ENO4: variants seen among roughly 807,000 people sequenced by gnomAD.
The protein encoded by ENO4 is 2-phospho-D-glycerate hydro-lyase.
In ENO4, 53 loss-of-function variants were observed where a neutral mutation model predicts 63.2. That is an observed-to-expected ratio of 0.84 (90% CI 0.67 to 1.05). The LOEUF is 1.05. ENO4 is among the 50% of genes least tolerant of loss of function. The pLI, the probability that ENO4 is intolerant of heterozygous loss-of-function variation, is 0.00. For synonymous variants in ENO4, 266 were observed against 283.8 expected (o/e 0.94, Z 0.63); for missense variants, 719 against 772.0 (o/e 0.93, Z 0.81).
chr10:116,889,131 T>C (rs554683831), intron 10 of ENO4, among the ~76,000 whole-genome samples: 71 of 152,246 alleles, frequency 4.7e-4, no homozygotes, highest in Non-Finnish European at 8.5e-4. Flanking sequence ...GATGTTTCCA[T>C]GCTCGTGTGT....
intron 10 of ENO4, among the ~76,000 whole-genome samples, chr10:116,902,625 T>C (rs1042434488): frequency 1.3e-5 from 2 of 152,230 alleles, no homozygotes; most frequent in Admixed American, 1.3e-4. Context: ...ATTCTGGGCA[T>C]TGAAGCCAGT....
At chr10:116,886,142 CA>C, downstream of ENO4, 1 of 709,072 alleles carries the variant, frequency 1.4e-6, no homozygotes, top group Non-Finnish European at 2.2e-6. Context: ...ATCAAAAAAC[CA>C]AAACCTACTA....
rs528077891 is a variant in ENO4 at position 116,862,333 on chromosome 10, G to A, written c.937-466G>A. On this transcript the variant is annotated intron_variant, in intron 6 of 13. Coordinates refer to ENST00000341276, the MANE Select transcript of ENO4 (RefSeq NM_001242699.2). ...ACAAAAATTAGCCAGGCATGGTGGT[G>A]CATGCCTGTCATCCCAGCTACTTGG... Among the ~76,000 whole-genome samples the A allele has an allele frequency of 3.9e-5, 6 of 152,200 alleles. No individual in the cohort carries two copies. In the East Asian group the frequency reaches 7.7e-4, roughly 20 times the overall value.
Position 116,896,005 on chromosome 10 carries a change from C to T in ENO4, c.1195-15494C>T, listed in dbSNP as rs371695251. Among the ~76,000 whole-genome samples, 16 of 152,260 alleles carry T rather than the reference C, an allele frequency of 1.1e-4. No individual in the cohort carries two copies. In the South Asian group the frequency reaches 1.2e-3, roughly 12 times the overall value. ...CCAAACTGGAAGCTGGTTCCATTAC[C>T]GATAGCCTCCATCTATAGCTAACAT... On this transcript the variant is annotated intron_variant, in intron 10 of 10. Transcript: ENST00000369207.
At chr10:116,910,055 C>T (rs767494631) in intron 10 of ENO4, among the ~76,000 whole-genome samples, 61 of 152,152 alleles carry the variant, frequency 4.0e-4, no homozygotes, top group Non-Finnish European at 8.1e-4. Context: ...ACAAGCACCA[C>T]TAAAGACCCA....
At chr10:116,856,777 A>G (rs1033609221) in intron 3 of ENO4, 95 bp downstream of exon 3, 139 of 1,096,346 alleles carry the variant, frequency 1.3e-4, no homozygotes, top group Non-Finnish European at 1.7e-4. Flanking sequence ...CGAGGCGGGC[A>G]GATCACGAGG....
chr10:116,869,916 T>C lies in ENO4; in HGVS notation c.1048-1209T>C, dbSNP rs1051977553. On this transcript the variant is annotated intron_variant, in intron 8 of 13. Coordinates refer to ENST00000341276, the MANE Select transcript of ENO4 (RefSeq NM_001242699.2). ...TCCGTAAAATGGAGATCATAATATC[T>C]TTGTATGATGTAAGGAGTAAATGTA... 3.8e-5 allele frequency among the ~76,000 whole-genome samples: 5 copies of C among 129,964 alleles called. No individual in the cohort carries two copies. In the East Asian group the frequency reaches 1.2e-3, roughly 30 times the overall value. The allele number at this position is 129,964 out of a possible 152,430, so 85.3% of individuals were successfully genotyped here.
chr10:116,864,099 C>CATACCTGGTGTTG (rs1354103200), intron 7 of ENO4, among the ~76,000 whole-genome samples: 4 of 152,298 alleles, frequency 2.6e-5, no homozygotes, highest in Middle Eastern at 3.4e-3. Flanking sequence ...CACAGGAAGC[C>CATACCTGGTGTTG]ATACCTGGTG....
chr10:116,852,397 AACTG>A (rs1328774076), intron 1 of ENO4, among the ~76,000 whole-genome samples: 1 of 152,162 alleles, frequency 6.6e-6, no homozygotes, highest in Non-Finnish European at 1.5e-5. Flanking sequence ...ATCATCATAA[AACTG>A]AATGAGAGAG....
At chr10:116,906,622 C>T in intron 10 of ENO4, 2 of 1,609,632 alleles carry the variant, frequency 1.2e-6, no homozygotes, top group Non-Finnish European at 1.7e-6. Flanking sequence ...TTCAAACCGG[C>T]TTACTACTGC....
At chr10:116,863,582 A>G (rs987660855) in intron 7 of ENO4, among the ~76,000 whole-genome samples, 1 of 152,180 alleles carries the variant, frequency 6.6e-6, no homozygotes, top group East Asian at 1.9e-4. Context: ...AGGATCCCAC[A>G]TTGCATTTAG....
At chr10:116,898,471 AG>A (rs2133317155) in intron 10 of ENO4, among the ~76,000 whole-genome samples, 1 of 152,308 alleles carries the variant, frequency 6.6e-6, no homozygotes, top group South Asian at 2.1e-4. Flanking sequence ...AAAGCAAAAA[AG>A]AGGTTTGCAC....
At position 116,861,079 on chromosome 10, in the gene ENO4, T is replaced by C; in HGVS notation, c.825T>C (p.Ser275=). ...KHNQEQPTTL[S]MPLLMVSLVS... Reference sequence around the variant, plus strand: ...TTCAGGAACAGCCAACAACGCTATCTATGCCTTTGCTGATGGTATCGCTGG... The same window carrying C: ...TTCAGGAACAGCCAACAACGCTATCCATGCCTTTGCTGATGGTATCGCTGG... The change falls in exon 6 of 14, where the codon TCT becomes TCC. Residue 275 remains serine (S), a synonymous_variant. Transcript: ENST00000341276. 6.5e-7 allele frequency: 1 copy of C among 1,549,308 alleles called. No individual in the cohort carries two copies. Among genetic ancestry groups the C allele is most frequent in the Non-Finnish European group, 8.7e-7 (1 of 1,146,526 alleles).
chr10:116,860,925 C>A lies in ENO4; in HGVS notation c.766C>A (p.Pro256Thr). The A allele has an allele frequency of 1.3e-6, 2 of 1,547,396 alleles. No individual in the cohort carries two copies. The highest frequency in any genetic ancestry group is 8.7e-7 in the Non-Finnish European group (1 of 1,144,692). ...AGCCTGTGCCATGCTGCTTAATAAA[C>A]CTCTGTACTTAAATATCGCTCTACT... Reference protein sequence around the residue: ...AKACAMLLNKPLYLNIALLKH... With the variant: ...AKACAMLLNKTLYLNIALLKH... Residue 256 changes from proline (P) to threonine (T), a missense_variant, in exon 5 of 14, where the codon CCT (proline) becomes ACT (threonine). Physicochemically the swap from Pro to Thr is conservative, Grantham distance 38 (BLOSUM62 -1). Transcript: ENST00000341276.
chr10:116,865,805 C>T (rs1018490064), intron 7 of ENO4, among the ~76,000 whole-genome samples: 1 of 152,164 alleles, frequency 6.6e-6, no homozygotes, highest in Admixed American at 6.5e-5. Flanking sequence ...GTCAATAGCG[C>T]CAAGGCTGAG....
intron 7 of ENO4, among the ~76,000 whole-genome samples, chr10:116,866,044 C>T (rs527706627): frequency 1.3e-5 from 2 of 152,310 alleles, no homozygotes; most frequent in Admixed American, 6.5e-5. Flanking sequence ...ACCCCCAGGT[C>T]GTAGGTGGCC....
At chr10:116,859,315 C>T (rs866251517) in intron 4 of ENO4, among the ~76,000 whole-genome samples, 177 bp downstream of exon 4, 58 of 152,322 alleles carry the variant, frequency 3.8e-4, no homozygotes, top group African/African-American at 1.2e-3. Flanking sequence ...TCCCACTCTC[C>T]TTTTTATTTG....
rs1317963486 is a variant in ENO4, at chr10:116,901,892, C to T, written c.1195-9607C>T. The T allele has an allele frequency of 3.1e-6, 5 of 1,608,212 alleles. No homozygotes were observed. The South Asian group carries it at 4.4e-5, about 14-fold the overall frequency. On this transcript the variant is annotated intron_variant, in intron 10 of 10. Transcript: ENST00000369207. ...TTCTTGTTCAAGGCTGTTTTTGTTA[C>T]ACTGGATACAGAACCCAACACTGGC...
chr10:116,907,958 GT>G (rs1417730506), intron 10 of ENO4: 1 of 510,138 alleles, frequency 2.0e-6, no homozygotes, highest in Non-Finnish European at 3.9e-6. Context: ...AAAAATGGTT[GT>G]TTTAGCCATT....
Sources: allele counts gnomAD v4.1 joint callset (sites outside exome capture counted in the v4.1 genomes callset), GRCh38; gene constraint gnomAD v4.1.1; transcripts MANE v1.5; gene names NCBI Gene and HGNC (gene_info 2026-07-23, HGNC 2026-07-21).